SOBP: variants seen among roughly 807,000 people sequenced by gnomAD.
SOBP encodes the protein sine oculis binding protein homolog, also known as sine oculis-binding protein homolog.
A neutral mutation model predicts 53.6 loss-of-function variants in SOBP; 4 were observed. The observed-to-expected ratio is 0.07, with a 90% CI of 0.04 to 0.17. The LOEUF is 0.17. SOBP is among the 10% of genes least tolerant of loss of function. The pLI, the probability that SOBP is intolerant of heterozygous loss-of-function variation, is 1.00. For synonymous variants in SOBP, 584 were observed against 522.6 expected, an observed-to-expected ratio of 1.12 and a Z score of -1.60; for missense variants, 1,088 against 1,204.7, an observed-to-expected ratio of 0.90 and a Z score of 1.43.
chr6:107,628,429 C>T (rs9386655), intron 5 of SOBP, among the ~76,000 whole-genome samples: 2,240 of 152,196 alleles, frequency 0.015, 87 homozygotes, highest in East Asian at 0.13. Flanking sequence ...CAGAGAGAAA[C>T]GTGCCCTGTT....
intron 5 of SOBP, among the ~76,000 whole-genome samples, chr6:107,612,585 A>AT (rs552796594): frequency 3.3e-5 from 5 of 151,504 alleles, no homozygotes; most frequent in East Asian, 1.9e-4. Flanking sequence ...CTGTGGGCTA[A>AT]TTTTTTTTTA....
chr6:107,498,342 G>A (rs1030309626), intron 1 of SOBP, among the ~76,000 whole-genome samples: 3 of 152,112 alleles, frequency 2.0e-5, no homozygotes, highest in African/African-American at 7.2e-5. Context: ...AAAACACATT[G>A]GCATTCAGTT....
At chr6:107,540,292 G>A (rs566024511) in intron 4 of SOBP, among the ~76,000 whole-genome samples, 5 of 152,328 alleles carry the variant, frequency 3.3e-5, no homozygotes, top group South Asian at 4.1e-4. Flanking sequence ...GATAGCTTAT[G>A]TACACATAAA....
At chr6:107,646,187 C>T (rs1461219646) in intron 6 of SOBP, among the ~76,000 whole-genome samples, 1 of 152,228 alleles carries the variant, frequency 6.6e-6, no homozygotes, top group Non-Finnish European at 1.5e-5. Flanking sequence ...AGAACGTCAT[C>T]GCTGGAGTGC....
At chr6:107,526,339 C>T (rs1299194326) in intron 3 of SOBP, among the ~76,000 whole-genome samples, 1 of 152,134 alleles carries the variant, frequency 6.6e-6, no homozygotes, top group Non-Finnish European at 1.5e-5. Flanking sequence ...GCCAAAATGA[C>T]ATCCATGAGA....
intron 1 of SOBP, among the ~76,000 whole-genome samples, chr6:107,502,833 T>C (rs1205645943): frequency 6.6e-6 from 1 of 152,082 alleles, no homozygotes; most frequent in Non-Finnish European, 1.5e-5. Flanking sequence ...TGATCTCAGC[T>C]CACTGCAACC....
rs9386645 is a variant in SOBP, at chr6:107,534,314, C to T, written c.573+704C>T. Among the ~76,000 whole-genome samples, 1,136 of 152,284 alleles carry T rather than the reference C, an allele frequency of 7.5e-3. 38 individuals carry two copies. The East Asian group carries it at 0.094, about 13-fold the overall frequency. On this transcript the variant is annotated intron_variant, in intron 4 of 6. Coordinates refer to ENST00000317357, the MANE Select transcript of SOBP (RefSeq NM_018013.4). ...GCCACCATGGATGGGAAATGGAATG[C>T]ATGATGTTTTTACAATCACACGCAC... is the stretch of plus-strand genomic sequence containing the variant.
Position 107,658,397 on chromosome 6 carries a change from G to C in SOBP, c.*194G>C, listed in dbSNP as rs955894152. The C allele has an allele frequency of 6.6e-6, 1 of 152,558 alleles. No individual in the cohort carries two copies. The highest frequency in any genetic ancestry group is 2.4e-5 in the African/African-American group (1 of 41,382). The allele number at this position is 152,558 out of a possible 1,614,324, so 9.5% of individuals were successfully genotyped here. A position where few individuals can be genotyped will look rare whatever the true frequency, so the allele number is the denominator to read the frequency against. On this transcript the variant is annotated 3_prime_UTR_variant, in exon 7 of 7. Transcript: ENST00000317357. ...GATGGCCTCTAGCCCAGAGAAGCCCGCGCATCTTGGACCCACCAAGCAGGC... is the reference window on the plus strand; with the variant it reads ...GATGGCCTCTAGCCCAGAGAAGCCCCCGCATCTTGGACCCACCAAGCAGGC...
intron 6 of SOBP, among the ~76,000 whole-genome samples, chr6:107,657,561 T>G (rs1467429460): frequency 1.3e-5 from 2 of 152,172 alleles, no homozygotes; most frequent in Non-Finnish European, 2.9e-5. Context: ...AAAAAGTGAA[T>G]CTATTGGCCC....
chr6:107,554,843 C>T (rs563949166), intron 4 of SOBP, among the ~76,000 whole-genome samples: 23 of 152,246 alleles, frequency 1.5e-4, no homozygotes, highest in African/African-American at 4.8e-4. Flanking sequence ...ACTTTTCTTT[C>T]TACAGAGGGC....
chr6:107,586,322 C>T (rs1785565724), intron 4 of SOBP, among the ~76,000 whole-genome samples: 1 of 152,178 alleles, frequency 6.6e-6, no homozygotes, highest in East Asian at 1.9e-4. Flanking sequence ...GAGTGTGCTG[C>T]AGACACGCCC....
At chr6:107,565,765 T>C (rs78350805) in intron 4 of SOBP, among the ~76,000 whole-genome samples, 2,572 of 152,256 alleles carry the variant, frequency 0.017, 54 homozygotes, top group African/African-American at 0.059. Context: ...CATCTGAGTA[T>C]CCAGATTAAT....
intron 6 of SOBP, among the ~76,000 whole-genome samples, chr6:107,637,082 T>A (rs977007529): frequency 6.6e-6 from 1 of 152,138 alleles, no homozygotes; most frequent in African/African-American, 2.4e-5. Context: ...CAACCCTCAG[T>A]TGTCATAGGG....
At chr6:107,608,360 G>A (rs1786468573) in intron 5 of SOBP, among the ~76,000 whole-genome samples, 1 of 152,170 alleles carries the variant, frequency 6.6e-6, no homozygotes, top group African/African-American at 2.4e-5. Flanking sequence ...TATACTTTAT[G>A]TGGAGGTGCA....
chr6:107,649,228 C>G (rs57742935), intron 6 of SOBP, among the ~76,000 whole-genome samples: 1,472 of 143,696 alleles, frequency 0.01, 27 homozygotes, highest in African/African-American at 0.037. Context: ...AATCCCAGCA[C>G]TTTGCAAGGC....
intron 5 of SOBP, among the ~76,000 whole-genome samples, chr6:107,627,880 A>G (rs375798701): frequency 3.9e-5 from 6 of 152,196 alleles, no homozygotes; most frequent in African/African-American, 1.4e-4. Context: ...TCTGCAAGAA[A>G]AACTTGGAAT....
intron 1 of SOBP, among the ~76,000 whole-genome samples, chr6:107,499,413 C>T (rs181747093): frequency 6.6e-6 from 1 of 152,264 alleles, no homozygotes; most frequent in East Asian, 1.9e-4. Flanking sequence ...CTGTAAAGTG[C>T]TATAAGACTA....
intron 4 of SOBP, among the ~76,000 whole-genome samples, chr6:107,581,569 T>A (rs1174649730): frequency 6.6e-6 from 1 of 152,174 alleles, no homozygotes; most frequent in Non-Finnish European, 1.5e-5. Context: ...TTAGTTCAAG[T>A]TCACAAAGAC....
Position 107,634,260 on chromosome 6 carries a change from C to A in SOBP, c.1416C>A (p.Pro472=), listed in dbSNP as rs369211430. 1.7e-3 allele frequency: 2,726 copies of A among 1,567,312 alleles called. 36 individuals carry two copies. Among genetic ancestry groups the A allele is most frequent in the South Asian group, 0.016 (1,407 of 87,274 alleles). The change falls in exon 6 of 7, where the codon CCC becomes CCA. Residue 472 remains proline, a synonymous_variant. Coordinates refer to ENST00000317357, the MANE Select transcript of SOBP (RefSeq NM_018013.4). The surrounding 1 kb of genome is among the most constrained non-coding windows in gnomAD (Gnocchi z 4.5). ...GCACCCCCACCATGCCCGGGAACCC[C>A]CCAGGCCTGCTGCCCCCGCCGCCTC... The part of the protein sequence containing the change: ...PPSTPTMPGN[P]PGLLPPPPPG...
Sources: gnomAD v4.1 joint callset for allele counts (sites outside exome capture counted in the v4.1 genomes callset) on GRCh38, gnomAD v4.1.1 for gene constraint, Gnocchi (gnomAD v3.1) non-coding constraint, MANE v1.5 for transcripts, NCBI Gene and HGNC (gene_info 2026-07-23, HGNC 2026-07-21) for gene names.